DNASE1L2: variants seen among roughly 807,000 people sequenced by gnomAD.
DNASE1L2 encodes the protein deoxyribonuclease-1-like 2.
Under a neutral mutation model 31.8 loss-of-function variants are expected in DNASE1L2, and 35 were observed. The observed-to-expected ratio is 1.10, with a 90% CI of 0.84 to 1.46. The LOEUF is 1.46. Ranked by LOEUF, DNASE1L2 falls within the 40% of genes most tolerant of loss-of-function variation. DNASE1L2 has a pLI of 0.00. For missense variants in DNASE1L2, 504 were observed against 418.8 expected (o/e 1.20, Z -1.77); for synonymous variants, 211 against 186.5 (o/e 1.13, Z -1.07).
Position 2,237,243 on chromosome 16 carries a change from G to T in DNASE1L2, c.259G>T (p.Val87Leu). The T allele has an allele frequency of 6.3e-7, 1 of 1,583,878 alleles. No individual in the cohort carries two copies. ...CGTGTCCGAGCACGAGTACAGCTTT[G>T]TGAGCAGCCAGCCCCTGGGCCGGGA... is the stretch of plus-strand genomic sequence containing the variant. ...NSVSEHEYSF[V>L]SSQPLGRDQY... Residue 87 changes from valine to leucine, a missense_variant, in exon 4 of 7, where the codon GTG (valine) becomes TTG (leucine). Transcript: ENST00000320700.
At position 2,237,292 on chromosome 16, in the gene DNASE1L2, T is replaced by G. The variant is rs745976143; in HGVS notation, c.308T>G (p.Phe103Cys). Reference sequence around the variant, plus strand: ...GACCAGTACAAGGAGATGTACCTGTTCGTGTACAGGTGAGGGGCGGGCCGC... The same window carrying G: ...GACCAGTACAAGGAGATGTACCTGTGCGTGTACAGGTGAGGGGCGGGCCGC... ...GRDQYKEMYL[F>C]VYRKDAVSVV... Residue 103 changes from phenylalanine to cysteine, a missense_variant, in exon 4 of 7, where the codon TTC becomes TGC. Coordinates refer to ENST00000320700, the MANE Select transcript of DNASE1L2 (RefSeq NM_001374.3). The G allele has an allele frequency of 1.9e-6, 3 of 1,588,614 alleles. No individual in the cohort carries two copies. In the African/African-American group the frequency reaches 4.0e-5, roughly 21 times the overall value.
chr16:2,238,369 C>G lies in DNASE1L2; in HGVS notation c.851C>G (p.Ala284Gly). The G allele has an allele frequency of 6.2e-7, 1 of 1,613,444 alleles. No homozygotes were observed. Among genetic ancestry groups the G allele is most frequent in the Non-Finnish European group, 8.5e-7 (1 of 1,180,004 alleles). The change falls in exon 7 of 7, where the codon GCC becomes GGC. Residue 284 changes from alanine (A) to glycine (G), a missense_variant. Transcript: ENST00000320700. Reference protein sequence around the residue: ...EFGLDQTQALAISDHFPVEVT... With the variant: ...EFGLDQTQALGISDHFPVEVT... ...CTCACTCTGTCCCCACAGGCTCTTG[C>G]CATCAGCGACCACTTTCCAGTGGAG...
At position 2,237,849 on chromosome 16, in the gene DNASE1L2, G is replaced by C. The variant is rs371660866; in HGVS notation, c.674G>C (p.Ser225Thr). 3.1e-6 allele frequency: 5 copies of C among 1,612,614 alleles called. No individual in the cohort carries two copies. The highest frequency in any genetic ancestry group is 2.5e-6 in the Non-Finnish European group (3 of 1,179,852). Reference sequence around the variant, plus strand: ...TGGGCCGCCATCCGTCTGAGGAGCAGTGAGGTCTTCAAGTGGCTCATCCCT... The same window carrying C: ...TGGGCCGCCATCCGTCTGAGGAGCACTGAGGTCTTCAAGTGGCTCATCCCT... ...QDWAAIRLRS[S>T]EVFKWLIPDS... Residue 225 changes from serine to threonine, a missense_variant, in exon 6 of 7, where the codon AGT (serine) becomes ACT (threonine). Physicochemically the swap from Ser to Thr is moderately conservative, Grantham distance 58. Transcript: ENST00000320700.
rs2093519866 is a variant in DNASE1L2 at position 2,238,527 on chromosome 16, G to A, written c.*109G>A. ...CCCTTCAGTGAGGCCCCAAGGCAGA[G>A]TCGGCTGGGCGTGGACCAGGGGCCA... is the stretch of plus-strand genomic sequence containing the variant. On this transcript the variant is annotated 3_prime_UTR_variant, in exon 7 of 7. Transcript: ENST00000320700. The A allele has an allele frequency of 4.3e-6, 6 of 1,380,756 alleles. No homozygotes were observed. In the Admixed American group the frequency reaches 5.2e-5, roughly 12 times the overall value. 85.5% of individuals were successfully genotyped at this position (1,380,756 alleles called of 1,614,324 possible). A position where few individuals can be genotyped will look rare whatever the true frequency, so the allele number is the denominator to read the frequency against.
In DNASE1L2 at chr16:2,238,570, G is replaced by C; in HGVS notation, c.*152G>C. On this transcript the variant is annotated 3_prime_UTR_variant, in exon 7 of 7. Transcript: ENST00000320700. ...AGGGGCCATGGACACGTGATGTGCT[G>C]CTCTGTACCTCCGTTCCCCATCTGT... is the stretch of plus-strand genomic sequence containing the variant. The C allele has an allele frequency of 1.1e-6, 1 of 869,764 alleles. No homozygotes were observed. The highest frequency in any genetic ancestry group is 1.5e-5 in the South Asian group (1 of 67,962). 53.9% of individuals were successfully genotyped at this position (869,764 alleles called of 1,614,324 possible).
intron 1 of DNASE1L2, 39 bp from the exon 2 acceptor site, chr16:2,236,739 A>G (rs1044946628): frequency 2.3e-5 from 34 of 1,463,412 alleles, no homozygotes; most frequent in Non-Finnish European, 2.6e-5. Context: ...CCGCGGAGGG[A>G]AGGGGTGGGT....
In DNASE1L2 at chr16:2,238,569, T is replaced by C; in HGVS notation, c.*151T>C. On this transcript the variant is annotated 3_prime_UTR_variant, in exon 7 of 7. Transcript: ENST00000320700. The stretch of plus-strand genomic sequence containing the variant: ...CAGGGGCCATGGACACGTGATGTGC[T>C]GCTCTGTACCTCCGTTCCCCATCTG... 2.3e-6 allele frequency: 2 copies of C among 880,968 alleles called. No individual in the cohort carries two copies. The highest frequency in any genetic ancestry group is 3.6e-6 in the Non-Finnish European group (2 of 555,514). The allele number at this position is 880,968 out of a possible 1,614,324, so 54.6% of individuals were successfully genotyped here.
At chr16:2,236,757 T>G (rs2093512058) in intron 1 of DNASE1L2, 21 bp from the exon 2 acceptor site, 1 of 1,503,908 alleles carries the variant, frequency 6.6e-7, no homozygotes, top group Non-Finnish European at 8.8e-7. Flanking sequence ...GGTCGGTGGG[T>G]CTGACAGCGG....
chr16:2,237,961 G>A lies in DNASE1L2; in HGVS notation c.786G>A (p.Lys262=). The A allele has an allele frequency of 6.2e-7, 1 of 1,609,504 alleles. No homozygotes were observed. Among genetic ancestry groups the A allele is most frequent in the Non-Finnish European group, 8.5e-7 (1 of 1,178,842 alleles). Residue 262 remains lysine, a synonymous_variant, in exon 6 of 7, where the codon AAG becomes AAA. Transcript: ENST00000320700. The part of the protein sequence containing the change: ...ACGARLRRSL[K]PQSATVHDFQ... ...GCGCCCGCCTGCGCCGGAGCCTGAAGCCCCAGTCGGCCACCGTGCACGACT... is the reference window on the plus strand; with the variant it reads ...GCGCCCGCCTGCGCCGGAGCCTGAAACCCCAGTCGGCCACCGTGCACGACT...
chr16:2,238,363 C>A lies in DNASE1L2; in HGVS notation c.845C>A (p.Ala282Asp), dbSNP rs562373958. The stretch of plus-strand genomic sequence containing the variant: ...CTGAGGCTCACTCTGTCCCCACAGG[C>A]TCTTGCCATCAGCGACCACTTTCCA... ...QEEFGLDQTQ[A>D]LAISDHFPVE... Residue 282 changes from alanine to aspartate, a missense_variant and splice_region_variant, in exon 7 of 7, where the codon GCT becomes GAT. Coordinates refer to ENST00000320700, the MANE Select transcript of DNASE1L2 (RefSeq NM_001374.3). 2 of 1,613,436 alleles carry A rather than the reference C, an allele frequency of 1.2e-6. No individual in the cohort carries two copies. The highest frequency in any genetic ancestry group is 1.6e-4 in the Middle Eastern group (1 of 6,062).
rs1056173164 is a variant in DNASE1L2 at position 2,237,128 on chromosome 16, TGTG to T, written c.233+7_233+9del. The T allele has an allele frequency of 2.6e-6, 4 of 1,548,920 alleles. No homozygotes were observed. In the Admixed American group the frequency reaches 5.9e-5, roughly 23 times the overall value. ...CGCGCTCATGGAGCAGATCAACAGG[TGTG>T]GTGGGCAGGGCCCCTCGTCGCGACC... On this transcript the variant is annotated splice_donor_5th_base_variant and intron_variant, in intron 3 of 6. Transcript: ENST00000320700.
Position 2,238,344 on chromosome 16 carries a change from C to A in DNASE1L2, c.844-18C>A, listed in dbSNP as rs160551. 6.2e-7 allele frequency: 1 copy of A among 1,613,010 alleles called. No homozygotes were observed. The highest frequency in any genetic ancestry group is 8.5e-7 in the Non-Finnish European group (1 of 1,179,878). ...GGTGGGGTGCACTTTTCCCCTGAGGCTCACTCTGTCCCCACAGGCTCTTGC... is the reference window on the plus strand; with the variant it reads ...GGTGGGGTGCACTTTTCCCCTGAGGATCACTCTGTCCCCACAGGCTCTTGC... On this transcript the variant is annotated intron_variant, in intron 6 of 6. Coordinates refer to ENST00000320700, the MANE Select transcript of DNASE1L2 (RefSeq NM_001374.3).
At position 2,237,479 on chromosome 16, in the gene DNASE1L2, G is replaced by A; in HGVS notation, c.421G>A (p.Glu141Lys). The change falls in exon 5 of 7, where the codon GAG becomes AAG. Residue 141 changes from glutamate to lysine, a missense_variant. Physicochemically the swap from Glu to Lys is moderately conservative, Grantham distance 56. Transcript: ENST00000320700. ...VVKFSAPGTG[E>K]RAPPLPSRRA... is the part of the protein sequence containing the mutation. Reference sequence around the variant, plus strand: ...CAAGTTCTCGGCCCCCGGCACCGGTGAGCGGGCCCCGCCCCTCCCCTCCCG... The same window carrying A: ...CAAGTTCTCGGCCCCCGGCACCGGTAAGCGGGCCCCGCCCCTCCCCTCCCG... The A allele has an allele frequency of 6.3e-7, 1 of 1,575,678 alleles. No homozygotes were observed. The highest frequency in any genetic ancestry group is 8.6e-7 in the Non-Finnish European group (1 of 1,162,400).
chr16:2,237,687 C>T (rs1477049562), intron 5 of DNASE1L2, 38 bp downstream of exon 5: 5 of 1,588,042 alleles, frequency 3.1e-6, no homozygotes, highest in Non-Finnish European at 4.3e-6. Context: ...CCTGCAGGCG[C>T]GCCCCGGGGG....
rs775189893 is a variant in DNASE1L2 at position 2,236,888 on chromosome 16, C to G, written c.72C>G (p.Ile24Met). The G allele has an allele frequency of 6.3e-7, 1 of 1,596,996 alleles. No individual in the cohort carries two copies. The highest frequency in any genetic ancestry group is 8.5e-7 in the Non-Finnish European group (1 of 1,172,486). ...LEAAGTAALRIGAFNIQSFGD... is the reference protein window; with the variant it reads ...LEAAGTAALRMGAFNIQSFGD... ...CCGCCGGGACCGCCGCGCTTCGCAT[C>G]GGAGCCTTCAACATTCAGAGCTTCG... The change falls in exon 2 of 7, where the codon ATC becomes ATG. Residue 24 changes from isoleucine to methionine, a missense_variant. By Grantham distance (10) the Ile-to-Met change is conservative. Coordinates refer to ENST00000320700, the MANE Select transcript of DNASE1L2 (RefSeq NM_001374.3).
At position 2,236,956 on chromosome 16, in the gene DNASE1L2, C is replaced by T. The variant is rs1395548394; in HGVS notation, c.140C>T (p.Ala47Val). 1.7e-5 allele frequency: 26 copies of T among 1,561,252 alleles called. No individual in the cohort carries two copies. The highest frequency in any genetic ancestry group is 2.0e-5 in the Non-Finnish European group (23 of 1,153,222). Residue 47 changes from alanine (A) to valine (V), a missense_variant, in exon 2 of 7, where the codon GCG becomes GTG. Physicochemically the swap from Ala to Val is moderately conservative, Grantham distance 64. Coordinates refer to ENST00000320700, the MANE Select transcript of DNASE1L2 (RefSeq NM_001374.3). ...GACCCCGCTTGCGGCAGCATCATCGCGAAGGTGGGGCCCGGGCCGGGGCGG... is the reference window on the plus strand; with the variant it reads ...GACCCCGCTTGCGGCAGCATCATCGTGAAGGTGGGGCCCGGGCCGGGGCGG... ...VSDPACGSII[A>V]KILAGYDLAL...
rs1001019631 is a variant in DNASE1L2, at chr16:2,238,316, G to T, written c.844-46G>T. 1.9e-6 allele frequency: 3 copies of T among 1,609,200 alleles called. No homozygotes were observed. In the African/African-American group the frequency reaches 4.0e-5, roughly 22 times the overall value. The stretch of plus-strand genomic sequence containing the variant: ...GGCCTCACCGGCCCCTCCCATCCCT[G>T]TGGGTGGGGTGCACTTTTCCCCTGA... On this transcript the variant is annotated intron_variant, in intron 6 of 6. Transcript: ENST00000320700.
At position 2,237,919 on chromosome 16, in the gene DNASE1L2, C is replaced by G; in HGVS notation, c.744C>G (p.Asp248Glu). The G allele has an allele frequency of 1.2e-6, 2 of 1,611,712 alleles. No homozygotes were observed. The highest frequency in any genetic ancestry group is 1.7e-6 in the Non-Finnish European group (2 of 1,179,598). Residue 248 changes from aspartate (D) to glutamate (E), a missense_variant, in exon 6 of 7, where the codon GAC (aspartate) becomes GAG (glutamate). By Grantham distance (45) the Asp-to-Glu change is conservative (BLOSUM62 2). Transcript: ENST00000320700. ...TTVGNSDCAY[D>E]RIVACGARLR... ...TGGGCAACTCAGACTGCGCCTACGACCGCATTGTGGCCTGTGGCGCCCGCC... is the reference window on the plus strand; with the variant it reads ...TGGGCAACTCAGACTGCGCCTACGAGCGCATTGTGGCCTGTGGCGCCCGCC...
rs542560187 is a variant in DNASE1L2 at position 2,237,892 on chromosome 16, G to A, written c.717G>A (p.Thr239=). The change falls in exon 6 of 7, where the codon ACG becomes ACA. Residue 239 remains threonine, a synonymous_variant. Coordinates refer to ENST00000320700, the MANE Select transcript of DNASE1L2 (RefSeq NM_001374.3). ...TCATCCCTGACAGCGCCGACACCAC[G>A]GTGGGCAACTCAGACTGCGCCTACG... The part of the protein sequence containing the change: ...KWLIPDSADT[T]VGNSDCAYDR... The A allele has an allele frequency of 9.3e-6, 15 of 1,612,620 alleles. No individual in the cohort carries two copies. The Admixed American group carries it at 2.2e-4, about 23-fold the overall frequency.
Sources: allele counts gnomAD v4.1 joint callset, GRCh38; gene constraint gnomAD v4.1.1; transcripts MANE v1.5; gene names NCBI Gene and HGNC (gene_info 2026-07-23, HGNC 2026-07-21).